SMG1: variants seen among roughly 807,000 people sequenced by gnomAD.
SMG1 encodes the protein serine/threonine-protein kinase SMG1.
SMG1 carries 22 observed loss-of-function variants against 419.9 expected under a neutral mutation model. The observed-to-expected ratio is 0.05, with a 90% CI of 0.04 to 0.07. The LOEUF is 0.07. Ranked by LOEUF, SMG1 falls within the 10% of genes least tolerant of loss-of-function variation. The probability of loss-of-function intolerance (pLI) is 1.00; values close to 1 mark genes in which losing one functional copy is unlikely to be tolerated. For missense variants in SMG1, 3,185 were observed against 4,342.0 expected, an observed-to-expected ratio of 0.73 and a Z score of 7.49; for synonymous variants, 1,538 against 1,553.5, an observed-to-expected ratio of 0.99 and a Z score of 0.23.
intron 9 of SMG1, among the ~76,000 whole-genome samples, chr16:18,883,168 A>G (rs1422825687): frequency 2.0e-5 from 3 of 152,220 alleles, no homozygotes; most frequent in Non-Finnish European, 4.4e-5. Flanking sequence ...TCTTTATGGG[A>G]GCCTTGATTG....
At chr16:18,841,504 A>G in intron 41 of SMG1, 61 bp downstream of exon 41, 3 of 1,504,806 alleles carry the variant, frequency 2.0e-6, no homozygotes, top group Non-Finnish European at 2.8e-6. Context: ...CAGTAAGTCT[A>G]CAAGTATTTC....
intron 54 of SMG1, 107 bp downstream of exon 54, chr16:18,829,179 G>C: frequency 1.1e-6 from 1 of 915,488 alleles, no homozygotes. Flanking sequence ...GTTGCTGTGA[G>C]TTCAGGAAGT....
Position 18,839,959 on chromosome 16 carries a change from C to T in SMG1, c.6697-13G>A, listed in dbSNP as rs1458986072. ...AGGAATCTTGGGCCTTAAGAAAAAA[C>T]AATTTTTTTAAAAAAGAAAAGATCA... On this transcript the variant is annotated splice_polypyrimidine_tract_variant and intron_variant, in intron 41 of 62. Transcript: ENST00000446231. The T allele has an allele frequency of 1.3e-6, 2 of 1,517,616 alleles. No individual in the cohort carries two copies. Among genetic ancestry groups the T allele is most frequent in the Non-Finnish European group, 1.8e-6 (2 of 1,130,832 alleles). The allele number at this position is 1,517,616 out of a possible 1,614,324, so 94.0% of individuals were successfully genotyped here.
chr16:18,830,181 G>A (rs1350749385), intron 52 of SMG1, 38 bp downstream of exon 52: 1 of 1,610,922 alleles, frequency 6.2e-7, no homozygotes. Flanking sequence ...ACTACTTTAT[G>A]GCACTTGCAT....
At position 18,850,089 on chromosome 16, in the gene SMG1, C is replaced by T. The variant is rs907236511; in HGVS notation, c.5321G>A (p.Ser1774Asn). 6.2e-7 allele frequency: 1 copy of T among 1,613,938 alleles called. No homozygotes were observed. Residue 1774 changes from serine (S) to asparagine (N), a missense_variant, in exon 35 of 63, where the codon AGT becomes AAT. Physicochemically the swap from Ser to Asn is conservative, Grantham distance 46. This residue lies in a region of SMG1 where 493 missense variants were observed against 552.9 expected (regional missense o/e 0.89). Transcript: ENST00000446231. The stretch of plus-strand genomic sequence containing the variant: ...ATCAGTGCTCTGTTCCACTCTGTGA[C>T]TTAAATGCAGCCTAGGGTCATCCTC... ...LDEDDPRLHLSHRVEQSTDDM... is the reference protein window; with the variant it reads ...LDEDDPRLHLNHRVEQSTDDM...
intron 57 of SMG1, 46 bp from the exon 58 acceptor site, chr16:18,816,575 A>G: frequency 2.0e-6 from 3 of 1,512,972 alleles, no homozygotes; most frequent in Non-Finnish European, 2.7e-6. Flanking sequence ...CAGCTGAAAT[A>G]ATGAGTTCTT....
At chr16:18,845,178 C>G (rs2034186777) in intron 39 of SMG1, among the ~76,000 whole-genome samples, 1 of 152,184 alleles carries the variant, frequency 6.6e-6, no homozygotes, top group Non-Finnish European at 1.5e-5. Flanking sequence ...ATCTGTTGTT[C>G]ACTGGTGTGA....
rs2030821097 is a variant in SMG1 at position 18,806,215 on chromosome 16, A to C, written c.*3354T>G. 6.6e-6 allele frequency: 1 copy of C among 152,618 alleles called. No individual in the cohort carries two copies. The highest frequency in any genetic ancestry group is 1.5e-5 in the Non-Finnish European group (1 of 68,036). 9.5% of individuals were successfully genotyped at this position (152,618 alleles called of 1,614,324 possible). A position where few individuals can be genotyped will look rare whatever the true frequency, so the allele number is the denominator to read the frequency against. ...AACAACCACAATTAAAAAAACAAAA[A>C]ACAATGCAGATAACACCAAACATTG... On this transcript the variant is annotated 3_prime_UTR_variant, in exon 63 of 63. Transcript: ENST00000446231.
At chr16:18,911,917 C>T (rs1288748601) in intron 1 of SMG1, among the ~76,000 whole-genome samples, 1 of 151,874 alleles carries the variant, frequency 6.6e-6, no homozygotes, top group Non-Finnish European at 1.5e-5. Context: ...CCCGTCTCTA[C>T]TAAAAATACA....
chr16:18,924,961 T>C (rs528450943), intron 1 of SMG1: 1 of 115,164 alleles, frequency 8.7e-6, no homozygotes, highest in African/African-American at 2.9e-5. Context: ...GGCCAGTTTC[T>C]GGACAATTAT....
chr16:18,836,096 A>G lies in SMG1; in HGVS notation c.7894T>C (p.Ser2632Pro), dbSNP rs765926795. 1.2e-6 allele frequency: 2 copies of G among 1,609,010 alleles called. No homozygotes were observed. Among genetic ancestry groups the G allele is most frequent in the Non-Finnish European group, 1.7e-6 (2 of 1,177,770 alleles). Reference protein sequence around the residue: ...EVGALLQQRRSVLRGCLEQLH... With the variant: ...EVGALLQQRRPVLRGCLEQLH... ...TGCTCCAGACAGCCACGGAGCACGG[A>G]GCGCCTCTGCTGCAGGAGAGCACCA... The change falls in exon 48 of 63, where the codon TCC becomes CCC. Residue 2632 changes from serine to proline, a missense_variant. By Grantham distance (74) the Ser-to-Pro change is moderately conservative (BLOSUM62 -1). Coordinates refer to ENST00000446231, the MANE Select transcript of SMG1 (RefSeq NM_015092.5).
intron 10 of SMG1, among the ~76,000 whole-genome samples, chr16:18,880,845 G>GA (rs1176408983): frequency 6.6e-6 from 1 of 151,558 alleles, no homozygotes; most frequent in African/African-American, 2.4e-5. Flanking sequence ...ACCAGCCTGG[G>GA]AAACACTGAG....
At chr16:18,924,513 C>T (rs1229314344) in intron 1 of SMG1, among the ~76,000 whole-genome samples, 1 of 152,092 alleles carries the variant, frequency 6.6e-6, no homozygotes, top group Non-Finnish European at 1.5e-5. Flanking sequence ...TTGTTAGATG[C>T]CAGAAAATCA....
In SMG1 at chr16:18,812,210, T is replaced by C; in HGVS notation, c.10622-83A>G. The C allele has an allele frequency of 3.9e-6, 5 of 1,274,984 alleles. 1 individual carries two copies. The highest frequency in any genetic ancestry group is 2.2e-6 in the Non-Finnish European group (2 of 912,166). The allele number at this position is 1,274,984 out of a possible 1,614,324, so 79.0% of individuals were successfully genotyped here. Reference sequence around the variant, plus strand: ...AGTGGAGCAAGCACGGGATAGGTGGTAGTGGTTGATACCCCAATTAAATAA... The same window carrying C: ...AGTGGAGCAAGCACGGGATAGGTGGCAGTGGTTGATACCCCAATTAAATAA... On this transcript the variant is annotated intron_variant, in intron 60 of 62. Coordinates refer to ENST00000446231, the MANE Select transcript of SMG1 (RefSeq NM_015092.5).
Position 18,817,447 on chromosome 16 carries a change from G to A in SMG1, c.9918C>T (p.Ile3306=). ...TTGTTCGTAAACTTTCAAAATGAAT[G>A]ATATTGCTGCAGAGAAATGTGACCT... ...ASQVTFLCSN[I]IHFESLRTRT... The change falls in exon 57 of 63, where the codon ATC becomes ATT. Residue 3306 remains isoleucine (I), a synonymous_variant. Coordinates refer to ENST00000446231, the MANE Select transcript of SMG1 (RefSeq NM_015092.5). 1.3e-6 allele frequency: 2 copies of A among 1,582,142 alleles called. No homozygotes were observed.
intron 37 of SMG1, 63 bp downstream of exon 37, chr16:18,847,753 T>A (rs1017870168): frequency 1.9e-6 from 3 of 1,584,264 alleles, no homozygotes; most frequent in Non-Finnish European, 2.6e-6. Flanking sequence ...CAATACAGAT[T>A]GGCAAAAGCA....
Position 18,869,207 on chromosome 16 carries a change from A to G in SMG1, c.2730T>C (p.Ala910=), listed in dbSNP as rs762742965. ...CCCATATGGCCCACTGCCAAAGGAC[A>G]GCATCTGTCTTCAGGAGATTGCGTG... ...TIPRNLLKTD[A]VLWQWAIWEA... Residue 910 remains alanine, a synonymous_variant, in exon 20 of 63, where the codon GCT becomes GCC. Transcript: ENST00000446231. 1 of 1,611,842 alleles carries G rather than the reference A, an allele frequency of 6.2e-7. No individual in the cohort carries two copies.
intron 39 of SMG1, among the ~76,000 whole-genome samples, chr16:18,844,586 A>G (rs964914128): frequency 6.8e-6 from 1 of 145,992 alleles, no homozygotes; most frequent in Admixed American, 6.8e-5. Flanking sequence ...ACACACACGG[A>G]AACTCGAGTT....
At chr16:18,848,706 TA>T (rs1298189628) in intron 36 of SMG1, among the ~76,000 whole-genome samples, 1 of 152,146 alleles carries the variant, frequency 6.6e-6, no homozygotes, top group Non-Finnish European at 1.5e-5. Flanking sequence ...AGGCTACAGA[TA>T]ATGTGTAAAG....
Sources: gnomAD v4.1 joint callset for allele counts (sites outside exome capture counted in the v4.1 genomes callset) on GRCh38, gnomAD v4.1.1 for gene constraint, gnomAD v4.1.1 regional missense constraint, MANE v1.5 for transcripts, NCBI Gene and HGNC (gene_info 2026-07-23, HGNC 2026-07-21) for gene names.